Variants in KIFAP3 observed in about 807,000 individuals in gnomAD.
The protein encoded by KIFAP3 is kinesin associated protein 3.
A neutral mutation model predicts 106.5 loss-of-function variants in KIFAP3; 68 were observed. That is an observed-to-expected ratio of 0.64 (90% confidence interval 0.53 to 0.78). The LOEUF (loss-of-function observed/expected upper bound fraction) is 0.78, where lower values mean the gene tolerates loss of function less well. Ranked by LOEUF, KIFAP3 falls within the 30% of genes least tolerant of loss-of-function variation. The pLI, the probability that KIFAP3 is intolerant of heterozygous loss-of-function variation, is 0.00. For synonymous variants in KIFAP3, 320 were observed against 311.5 expected (o/e 1.03, Z -0.29); for missense variants, 780 against 941.8 (o/e 0.83, Z 2.25).
intron 3 of KIFAP3, among the ~76,000 whole-genome samples, chr1:170,046,210 C>CAAAAAAAAAAAA (rs60580320): frequency 0.045 from 2,535 of 55,794 alleles, 159 homozygotes; most frequent in Non-Finnish European, 0.064. Context: ...TTCTCTGCTG[C>CAAAAAAAAAAAA]AAAAAAAAAA....
intron 10 of KIFAP3, among the ~76,000 whole-genome samples, chr1:170,009,725 A>C (rs936352056): frequency 6.6e-6 from 1 of 152,136 alleles, no homozygotes; most frequent in Non-Finnish European, 1.5e-5. Context: ...TGAAGAATAC[A>C]CTATGACAAG....
At chr1:170,070,578 G>A (rs1335477423) in intron 1 of KIFAP3, among the ~76,000 whole-genome samples, 1 of 151,996 alleles carries the variant, frequency 6.6e-6, no homozygotes, top group African/African-American at 2.4e-5. Context: ...TCTGACATTT[G>A]TTCTGACAAA....
At chr1:169,943,187 A>G (rs1664236319) in intron 19 of KIFAP3, among the ~76,000 whole-genome samples, 1 of 152,176 alleles carries the variant, frequency 6.6e-6, no homozygotes. Context: ...TATTTGTAAT[A>G]GCACATCTGT....
intron 11 of KIFAP3, among the ~76,000 whole-genome samples, chr1:169,988,523 T>C (rs977637457): frequency 1.1e-4 from 16 of 151,992 alleles, no homozygotes; most frequent in Non-Finnish European, 1.9e-4. Context: ...AACTCTAAGA[T>C]ATTCCAACCG....
intron 5 of KIFAP3, among the ~76,000 whole-genome samples, chr1:170,037,036 T>C (rs1268433153): frequency 2.6e-5 from 4 of 152,144 alleles, no homozygotes; most frequent in African/African-American, 7.2e-5. Flanking sequence ...AGAAAGCAAT[T>C]TGGAACATTT....
At chr1:170,082,220 G>T (rs977111502) in intron 1 of KIFAP3, among the ~76,000 whole-genome samples, 1 of 152,122 alleles carries the variant, frequency 6.6e-6, no homozygotes. Context: ...TACAAATTGT[G>T]GGATATTCAC....
intron 5 of KIFAP3, among the ~76,000 whole-genome samples, chr1:170,037,162 A>G (rs926861405): frequency 3.3e-5 from 5 of 152,226 alleles, no homozygotes; most frequent in Non-Finnish European, 5.9e-5. Flanking sequence ...ACACTAAAAC[A>G]ATTCCATGAA....
At chr1:170,064,804 T>A (rs534346693) in intron 1 of KIFAP3, among the ~76,000 whole-genome samples, 127 of 152,354 alleles carry the variant, frequency 8.3e-4, no homozygotes, top group African/African-American at 2.9e-3. Context: ...TTCATAAATA[T>A]ACTACATCAA....
chr1:170,044,361 G>A (rs778284764), intron 3 of KIFAP3, among the ~76,000 whole-genome samples: 15 of 152,154 alleles, frequency 9.9e-5, no homozygotes, highest in Non-Finnish European at 1.8e-4. Context: ...ACAGAATACA[G>A]AATAGAAGCT....
chr1:169,984,511 C>A, intron 12 of KIFAP3, 71 bp downstream of exon 12: 1 of 629,420 alleles, frequency 1.6e-6, no homozygotes, highest in Non-Finnish European at 2.8e-6. Context: ...TTCTTAATTC[C>A]TTATATCTAT....
intron 9 of KIFAP3, among the ~76,000 whole-genome samples, chr1:170,017,742 T>C (rs964004402): frequency 2.0e-5 from 3 of 152,172 alleles, no homozygotes; most frequent in Non-Finnish European, 2.9e-5. Context: ...TCCAAAGTCC[T>C]TGACACTAAC....
intron 17 of KIFAP3, among the ~76,000 whole-genome samples, chr1:169,966,664 AC>A (rs1323948751): frequency 2.0e-5 from 3 of 151,826 alleles, no homozygotes; most frequent in African/African-American, 7.2e-5. Context: ...GAACCACAAT[AC>A]TATATCCCAC....
At chr1:170,001,877 TAA>T (rs1409284397) in intron 10 of KIFAP3, among the ~76,000 whole-genome samples, 2 of 152,140 alleles carry the variant, frequency 1.3e-5, no homozygotes, top group Non-Finnish European at 2.9e-5. Context: ...CTTCACAAAA[TAA>T]AGTTTCATTT....
chr1:170,046,327 T>C (rs1377935892), intron 3 of KIFAP3, among the ~76,000 whole-genome samples: 1 of 151,318 alleles, frequency 6.6e-6, no homozygotes, highest in African/African-American at 2.4e-5. Flanking sequence ...ATCCAAATGA[T>C]AAACAAATAT....
At chr1:170,084,769 C>G (rs905247456) in intron 1 of KIFAP3, among the ~76,000 whole-genome samples, 2 of 152,026 alleles carry the variant, frequency 1.3e-5, no homozygotes, top group Admixed American at 6.5e-5. Context: ...GAAAAGACAG[C>G]AGGGGCAAGA....
chr1:169,935,529 G>C (rs1663743601), intron 19 of KIFAP3, among the ~76,000 whole-genome samples: 1 of 151,802 alleles, frequency 6.6e-6, no homozygotes. Flanking sequence ...ATATATATAA[G>C]ATACATTGTA....
chr1:169,961,109 G>A lies in KIFAP3; in HGVS notation c.2110C>T (p.Arg704Ter). 1.9e-6 allele frequency: 3 copies of A among 1,613,318 alleles called. No individual in the cohort carries two copies. Among genetic ancestry groups the A allele is most frequent in the Non-Finnish European group, 2.5e-6 (3 of 1,179,558 alleles). ...ESEQYLYGDD[R>*]IEPYIHEGDI... ...CCTTCATGAATGTATGGCTCAATTC[G>A]ATCATCACCATACAAGTACTGCTCA... The change falls in exon 18 of 20, where the codon CGA becomes TGA. Residue 704 changes from arginine (R) to a stop codon, truncating the protein, a stop_gained. Coordinates refer to ENST00000361580, the MANE Select transcript of KIFAP3 (RefSeq NM_014970.4). LOFTEE classifies it high-confidence loss of function.
At chr1:169,921,806 A>G in intron 19 of KIFAP3, 25 bp from the exon 20 acceptor site, 1 of 1,562,282 alleles carries the variant, frequency 6.4e-7, no homozygotes, top group Non-Finnish European at 8.8e-7. Flanking sequence ...AAAGAATGAT[A>G]AGCTATGTTT....
chr1:170,068,088 G>C (rs562414341), intron 1 of KIFAP3: 13 of 152,216 alleles, frequency 8.5e-5, no homozygotes, highest in African/African-American at 2.9e-4. Flanking sequence ...GATCTGAAGA[G>C]TATTTTTTTC....
Sources: allele counts gnomAD v4.1 joint callset (sites outside exome capture counted in the v4.1 genomes callset), GRCh38; gene constraint gnomAD v4.1.1; transcripts MANE v1.5; gene names NCBI Gene and HGNC (gene_info 2026-07-23, HGNC 2026-07-21).